The following PKD1L1 variants were observed in gnomAD, a reference collection of about 807,000 sequenced individuals.
PKD1L1 encodes polycystin 1 like 1, transient receptor potential channel interacting.
A neutral mutation model predicts 323.4 loss-of-function variants in PKD1L1; 236 were observed. The observed-to-expected ratio is 0.73, with a 90% CI of 0.66 to 0.81. The LOEUF (loss-of-function observed/expected upper bound fraction) is 0.81, where lower values mean the gene tolerates loss of function less well. Among genes scored for constraint, PKD1L1 ranks in the 40% least tolerant of loss-of-function variants. The probability of loss-of-function intolerance (pLI) is 0.00; values close to 1 mark genes in which losing one functional copy is unlikely to be tolerated. For synonymous variants in PKD1L1, 1,344 were observed against 1,335.0 expected (o/e 1.01, Z -0.15); for missense variants, 3,320 against 3,508.0 (o/e 0.95, Z 1.35).
intron 13 of PKD1L1, among the ~76,000 whole-genome samples, chr7:47,900,517 T>C (rs1331361888): frequency 1.3e-5 from 2 of 152,020 alleles, no homozygotes; most frequent in African/African-American, 4.8e-5. Context: ...TCACCTGAGG[T>C]CAGGAGTTCA....
At position 47,908,013 on chromosome 7, in the gene PKD1L1, C is replaced by A. The variant is rs559767401; in HGVS notation, c.1402+64G>T. 2.0e-5 allele frequency: 30 copies of A among 1,505,068 alleles called. No homozygotes were observed. The African/African-American group carries it at 3.1e-4, about 15-fold the overall frequency. 93.2% of individuals were successfully genotyped at this position (1,505,068 alleles called of 1,614,324 possible). ...TATAACTTGAACAGTATAAGTAAAG[C>A]GGAGATACCCTGCTTCATTTATAGT... On this transcript the variant is annotated intron_variant, in intron 9 of 56. Coordinates refer to ENST00000289672, the MANE Select transcript of PKD1L1 (RefSeq NM_138295.5).
At chr7:47,843,270 G>T (rs1354733953) in intron 33 of PKD1L1, 101 bp from the exon 34 acceptor site, 4 of 879,092 alleles carry the variant, frequency 4.6e-6, no homozygotes, top group Non-Finnish European at 1.7e-6. Context: ...AAAAGTCCCT[G>T]CTGGGCTTCA....
intron 16 of PKD1L1, 22 bp downstream of exon 16, chr7:47,890,520 T>G: frequency 5.0e-6 from 8 of 1,609,136 alleles, no homozygotes; most frequent in Non-Finnish European, 5.1e-6. Context: ...AGCTGAGCTG[T>G]GCTGAATACA....
chr7:47,880,967 G>A (rs1264521701), intron 20 of PKD1L1, among the ~76,000 whole-genome samples, 162 bp from the exon 21 acceptor site: 1 of 151,768 alleles, frequency 6.6e-6, no homozygotes, highest in African/African-American at 2.4e-5. Flanking sequence ...GCTGGTTACT[G>A]CCTTCTATAA....
At chr7:47,853,483 C>A (rs1785826284) in intron 30 of PKD1L1, among the ~76,000 whole-genome samples, 1 of 152,238 alleles carries the variant, frequency 6.6e-6, no homozygotes, top group Middle Eastern at 3.4e-3. Context: ...TGGCTCACAC[C>A]TGTAATCCCA....
At position 47,834,371 on chromosome 7, in the gene PKD1L1, C is replaced by A. The variant is rs774247890; in HGVS notation, c.6142G>T (p.Gly2048Ter). ...TEAPHGPNSW[G>*]RIPDAQEPRK... ...GGCTCCTGTGCGTCTGGTATCCTTC[C>A]CCAGGAATTAGGACCTGATTCAAAA... Residue 2048 changes from glycine (G) to a stop codon, truncating the protein, a stop_gained, in exon 40 of 57, where the codon GGA becomes TGA. Transcript: ENST00000289672. LOFTEE classifies it high-confidence loss of function. 1 of 1,613,900 alleles carries A rather than the reference C, an allele frequency of 6.2e-7. No individual in the cohort carries two copies. The highest frequency in any genetic ancestry group is 8.5e-7 in the Non-Finnish European group (1 of 1,179,830).
chr7:47,897,933 C>T (rs1172619582), intron 14 of PKD1L1, 55 bp downstream of exon 14: 13 of 1,401,276 alleles, frequency 9.3e-6, no homozygotes, highest in Middle Eastern at 2.6e-4. Context: ...TGCTCCAGGG[C>T]GATGAGAAGC....
intron 13 of PKD1L1, among the ~76,000 whole-genome samples, chr7:47,898,514 G>A (rs532455568): frequency 1.2e-4 from 18 of 152,100 alleles, no homozygotes; most frequent in African/African-American, 4.3e-4. Context: ...AAAAATTTAA[G>A]CTTCCAAACG....
chr7:47,809,514 C>T lies in PKD1L1; in HGVS notation c.7645G>A (p.Gly2549Ser), dbSNP rs757292837. Residue 2549 changes from glycine (G) to serine (S), a missense_variant, in exon 51 of 57, where the codon GGC (glycine) becomes AGC (serine). Physicochemically the swap from Gly to Ser is moderately conservative, Grantham distance 56. Transcript: ENST00000289672. ...CVQLYRMMDK[G>S]VLSYWRKPRN... ...GGCTTTCGCCAGTAGCTGAGGACGC[C>T]CTTGTCCATCATACGGTAGAGTTGA... The T allele has an allele frequency of 2.4e-5, 38 of 1,609,516 alleles. No individual in the cohort carries two copies. The highest frequency in any genetic ancestry group is 3.2e-5 in the Non-Finnish European group (38 of 1,178,200).
chr7:47,836,270 G>A (rs766562695), intron 37 of PKD1L1, among the ~76,000 whole-genome samples: 9 of 152,110 alleles, frequency 5.9e-5, no homozygotes, highest in Non-Finnish European at 7.3e-5. Context: ...CCCCCACCTC[G>A]GAAACGGACC....
intron 26 of PKD1L1, among the ~76,000 whole-genome samples, chr7:47,864,964 G>A (rs909471009): frequency 1.3e-5 from 2 of 151,970 alleles, no homozygotes; most frequent in Non-Finnish European, 2.9e-5. Flanking sequence ...CTGACTTCGG[G>A]ATCCGCCCGC....
intron 24 of PKD1L1, among the ~76,000 whole-genome samples, chr7:47,867,931 AAATG>A (rs1786201646): frequency 6.6e-6 from 1 of 152,250 alleles, no homozygotes; most frequent in Non-Finnish European, 1.5e-5. Context: ...AGTAGGAAGA[AAATG>A]AATGGCAACT....
chr7:47,929,169 T>C, intron 7 of PKD1L1, 35 bp downstream of exon 7: 1 of 1,587,372 alleles, frequency 6.3e-7, no homozygotes, highest in East Asian at 2.2e-5. Flanking sequence ...AGGACCTCCT[T>C]CCCAGGCTCC....
chr7:47,802,214 GT>G (rs1784679409), intron 53 of PKD1L1, among the ~76,000 whole-genome samples: 1 of 146,342 alleles, frequency 6.8e-6, no homozygotes, highest in Non-Finnish European at 1.5e-5. Flanking sequence ...AAAAAAAGCA[GT>G]TTTGCATGTT....
rs1389445952 is a variant in PKD1L1 at position 47,840,450 on chromosome 7, T to A, written c.5552+11A>T. On this transcript the variant is annotated intron_variant, in intron 35 of 56. Coordinates refer to ENST00000289672, the MANE Select transcript of PKD1L1 (RefSeq NM_138295.5). The surrounding 1 kb of genome is among the most constrained non-coding windows in gnomAD (Gnocchi z 4.1). Reference sequence around the variant, plus strand: ...CTTTCCCAAATCTAGCAGTGAAATATTTTGGAATACCTCAGGATAAAGGTG... The same window carrying A: ...CTTTCCCAAATCTAGCAGTGAAATAATTTGGAATACCTCAGGATAAAGGTG... 1 of 1,598,978 alleles carries A rather than the reference T, an allele frequency of 6.3e-7. No homozygotes were observed. The highest frequency in any genetic ancestry group is 1.3e-5 in the African/African-American group (1 of 74,598).
chr7:47,808,487 T>C, intron 51 of PKD1L1, 100 bp from the exon 52 acceptor site: 1 of 1,411,114 alleles, frequency 7.1e-7, no homozygotes, highest in Non-Finnish European at 9.8e-7. Context: ...ATGAGTCACT[T>C]AACTACAGGG....
At chr7:47,800,513 C>T in intron 54 of PKD1L1, 136 bp downstream of exon 54, 2 of 883,268 alleles carry the variant, frequency 2.3e-6, no homozygotes, top group Non-Finnish European at 3.5e-6. Context: ...GGCAGGTGAG[C>T]TGGACGGCAG....
At chr7:47,891,344 G>A (rs1036691334) in intron 15 of PKD1L1, among the ~76,000 whole-genome samples, 3 of 152,120 alleles carry the variant, frequency 2.0e-5, no homozygotes, top group South Asian at 2.1e-4. Flanking sequence ...TGGCTGCTCC[G>A]TCCAGGTCAA....
At chr7:47,851,391 A>C (rs974785186) in intron 31 of PKD1L1, among the ~76,000 whole-genome samples, 1 of 152,176 alleles carries the variant, frequency 6.6e-6, no homozygotes. Context: ...GAGGTGAACT[A>C]AACACATTGA....
Sources: allele counts gnomAD v4.1 joint callset (sites outside exome capture counted in the v4.1 genomes callset), GRCh38; gene constraint gnomAD v4.1.1; non-coding constraint Gnocchi (gnomAD v3.1); transcripts MANE v1.5; gene names NCBI Gene and HGNC (gene_info 2026-07-23, HGNC 2026-07-21).